TMEM132D: variants seen among roughly 807,000 people sequenced by gnomAD.
TMEM132D encodes the protein mature OL transmembrane protein.
Under a neutral mutation model 62.3 loss-of-function variants are expected in TMEM132D, and 21 were observed. The ratio of observed to expected loss-of-function variants is 0.34; its 90% CI spans 0.24 to 0.49. The LOEUF is 0.49. Among genes scored for constraint, TMEM132D ranks in the 20% least tolerant of loss-of-function variants. The pLI, the probability that TMEM132D is intolerant of heterozygous loss-of-function variation, is 0.99. For synonymous variants in TMEM132D, 621 were observed against 575.6 expected, an observed-to-expected ratio of 1.08 and a Z score of -1.13; for missense variants, 1,346 against 1,402.8, an observed-to-expected ratio of 0.96 and a Z score of 0.65.
chr12:129,361,721 G>A (rs181007808), intron 3 of TMEM132D, among the ~76,000 whole-genome samples: 1 of 152,168 alleles, frequency 6.6e-6, no homozygotes, highest in African/African-American at 2.4e-5. Flanking sequence ...TTTAAAAGAT[G>A]TCATATTTAA....
At chr12:129,487,082 C>T (rs1023617364) in intron 3 of TMEM132D, among the ~76,000 whole-genome samples, 2 of 151,642 alleles carry the variant, frequency 1.3e-5, no homozygotes, top group African/African-American at 4.9e-5. Context: ...TTGGTCAGAT[C>T]TCTAAAGAGG....
At chr12:129,403,555 A>ATGGCAAAAGCAAATC (rs1284305587) in intron 3 of TMEM132D, among the ~76,000 whole-genome samples, 5 of 151,988 alleles carry the variant, frequency 3.3e-5, no homozygotes, top group Admixed American at 3.3e-4. Flanking sequence ...TGAACTTGAA[A>ATGGCAAAAGCAAATC]TGGCAAAAGC....
At chr12:129,667,020 G>C (rs894230714) in intron 2 of TMEM132D, among the ~76,000 whole-genome samples, 2 of 152,094 alleles carry the variant, frequency 1.3e-5, no homozygotes, top group African/African-American at 4.8e-5. Flanking sequence ...AAATTCTGTG[G>C]GTATAAACAA....
chr12:129,318,278 T>A (rs903724561), intron 4 of TMEM132D, among the ~76,000 whole-genome samples: 3 of 152,192 alleles, frequency 2.0e-5, no homozygotes, highest in South Asian at 4.1e-4. Context: ...TAAGCTCTGT[T>A]AGAGGGAAGG....
chr12:129,466,009 C>T (rs145988383), intron 3 of TMEM132D, among the ~76,000 whole-genome samples: 1 of 152,270 alleles, frequency 6.6e-6, no homozygotes, highest in East Asian at 1.9e-4. Context: ...AAAGTGGAGA[C>T]ATTCATAATA....
intron 5 of TMEM132D, among the ~76,000 whole-genome samples, chr12:129,151,065 T>G (rs1877056108): frequency 2.0e-5 from 3 of 152,138 alleles, no homozygotes. Context: ...TACCCGGGGT[T>G]TGCAGAGCAC....
intron 2 of TMEM132D, among the ~76,000 whole-genome samples, chr12:129,598,291 T>G (rs1377773706): frequency 1.3e-5 from 2 of 152,212 alleles, no homozygotes; most frequent in Non-Finnish European, 2.9e-5. Context: ...CAAGGGACTT[T>G]CTTTAAGAGG....
chr12:129,710,606 T>C (rs1223577140), intron 1 of TMEM132D, among the ~76,000 whole-genome samples: 9 of 152,318 alleles, frequency 5.9e-5, no homozygotes, highest in East Asian at 5.8e-4. Flanking sequence ...GATTATTTAA[T>C]TGGAAAAACA....
chr12:129,268,277 C>T (rs906368254), intron 4 of TMEM132D, among the ~76,000 whole-genome samples: 149 of 152,100 alleles, frequency 9.8e-4, no homozygotes, highest in African/African-American at 3.4e-3. Flanking sequence ...ATTTTTGCAA[C>T]CTACTCATCT....
intron 3 of TMEM132D, among the ~76,000 whole-genome samples, chr12:129,492,895 G>A (rs929103600): frequency 2.0e-5 from 3 of 152,274 alleles, no homozygotes; most frequent in South Asian, 2.1e-4. Flanking sequence ...GATGTGCATC[G>A]AGAACTTTCG....
intron 2 of TMEM132D, among the ~76,000 whole-genome samples, chr12:129,580,747 A>C (rs77386771): frequency 0.35 from 53,511 of 151,634 alleles, 10,091 homozygotes; most frequent in Non-Finnish European, 0.41. Context: ...ATAAATAAAT[A>C]AATAAATAAA....
chr12:129,867,626 A>C lies in TMEM132D; in HGVS notation c.79+35635T>G, dbSNP rs1443232733. Among the ~76,000 whole-genome samples, 2 of 152,246 alleles carry C rather than the reference A, an allele frequency of 1.3e-5. No homozygotes were observed. The highest frequency in any genetic ancestry group is 2.9e-5 in the Non-Finnish European group (2 of 68,042). The stretch of plus-strand genomic sequence containing the variant: ...TCCTCATAAAAAGAGAAAGTAAAAC[A>C]AAGAAAACCGTCACTGTAGAAAGGG... On this transcript the variant is annotated intron_variant, in intron 1 of 8. Transcript: ENST00000422113. This position sits in a 1 kb window ranked among gnomAD's most constrained non-coding sequence, Gnocchi z 4.5.
At chr12:129,425,609 G>C (rs1872472780) in intron 3 of TMEM132D, among the ~76,000 whole-genome samples, 1 of 152,118 alleles carries the variant, frequency 6.6e-6, no homozygotes, top group Admixed American at 6.5e-5. Flanking sequence ...ATCCTAAAAT[G>C]CCTTCTGTTT....
rs1028384904 is a variant in TMEM132D, at chr12:129,836,826, T to C, written c.79+66435A>G. On this transcript the variant is annotated intron_variant, in intron 1 of 8. Transcript: ENST00000422113. ...ATCCAGCAGTCTGAGGCAACGATTA[T>C]TGTACAGTACTTATATCTCTACAAA... Among the ~76,000 whole-genome samples, 5 of 152,320 alleles carry C rather than the reference T, an allele frequency of 3.3e-5. No homozygotes were observed. In the East Asian group the frequency reaches 5.8e-4, roughly 18 times the overall value.
intron 1 of TMEM132D, among the ~76,000 whole-genome samples, chr12:129,810,568 ACACACC>A (rs757878830): frequency 1.5e-4 from 5 of 33,446 alleles, no homozygotes; most frequent in Admixed American, 4.4e-4. Flanking sequence ...ACACACACAC[ACACACC>A]CCCCCACACT....
chr12:129,607,544 G>C (rs890797612), intron 2 of TMEM132D, among the ~76,000 whole-genome samples: 2 of 152,098 alleles, frequency 1.3e-5, no homozygotes, highest in Non-Finnish European at 2.9e-5. Context: ...CTTGGCCCAA[G>C]GTCTCCAGAT....
intron 1 of TMEM132D, among the ~76,000 whole-genome samples, chr12:129,747,209 C>CCCTCTCCTTCTTA (rs1555229160): frequency 1.4e-4 from 4 of 29,498 alleles, no homozygotes; most frequent in South Asian, 1.7e-3. Context: ...CCTTCTTACT[C>CCCTCTCCTTCTTA]CTCCTTCCAG....
At chr12:129,199,292 G>T (rs111297731) in intron 5 of TMEM132D, among the ~76,000 whole-genome samples, 1,859 of 152,038 alleles carry the variant, frequency 0.012, 23 homozygotes, top group Middle Eastern at 0.031. Flanking sequence ...GGTAGAGATA[G>T]GGTTTCGCCA....
chr12:129,118,064 G>A (rs1414757858), intron 5 of TMEM132D, among the ~76,000 whole-genome samples: 2 of 152,162 alleles, frequency 1.3e-5, no homozygotes, highest in African/African-American at 2.4e-5. Flanking sequence ...GCATATACCA[G>A]CACTTAACCA....
Sources: allele counts gnomAD v4.1 joint callset (sites outside exome capture counted in the v4.1 genomes callset), GRCh38; gene constraint gnomAD v4.1.1; non-coding constraint Gnocchi (gnomAD v3.1); transcripts MANE v1.5; gene names NCBI Gene and HGNC (gene_info 2026-07-23, HGNC 2026-07-21).